MTUS2: variants seen among roughly 807,000 people sequenced by gnomAD.
MTUS2 encodes microtubule associated scaffold protein 2, also known as microtubule-associated tumor suppressor candidate 2.
A neutral mutation model predicts 114.1 loss-of-function variants in MTUS2; 40 were observed. That is an observed-to-expected ratio of 0.35 (90% CI 0.27 to 0.46). The LOEUF is 0.46. MTUS2 is among the 20% of genes least tolerant of loss of function. The probability of loss-of-function intolerance (pLI) is 1.00; values close to 1 mark genes in which losing one functional copy is unlikely to be tolerated. For synonymous variants in MTUS2, 688 were observed against 672.0 expected (o/e 1.02, Z -0.37); for missense variants, 1,679 against 1,705.4 (o/e 0.98, Z 0.27).
At chr13:29,448,570 C>G (rs1177474032) in intron 9 of MTUS2, among the ~76,000 whole-genome samples, 2 of 151,720 alleles carry the variant, frequency 1.3e-5, no homozygotes, top group African/African-American at 4.8e-5. Context: ...GACAAAGCTG[C>G]CTCCTGTGCC....
chr13:29,336,538 C>T (rs545609503), intron 7 of MTUS2, among the ~76,000 whole-genome samples: 29 of 152,214 alleles, frequency 1.9e-4, no homozygotes, highest in Admixed American at 1.5e-3. Context: ...GGGCACCCGC[C>T]GGACGCCAGC....
chr13:28,965,432 T>C (rs180866648), intron 2 of MTUS2, among the ~76,000 whole-genome samples: 17 of 152,314 alleles, frequency 1.1e-4, no homozygotes, highest in African/African-American at 4.1e-4. Context: ...CTTTAATAGG[T>C]TGTAACACTG....
intron 2 of MTUS2, among the ~76,000 whole-genome samples, chr13:29,013,266 A>G (rs1885929145): frequency 6.6e-6 from 1 of 152,030 alleles, no homozygotes; most frequent in Non-Finnish European, 1.5e-5. Context: ...TGTAGATGGC[A>G]TGTTAATCTT....
At chr13:29,218,690 C>T (rs777863042) in intron 5 of MTUS2, among the ~76,000 whole-genome samples, 8 of 152,156 alleles carry the variant, frequency 5.3e-5, no homozygotes, top group South Asian at 2.1e-4. Flanking sequence ...TCCATCAGAG[C>T]GCTTGAGTGA....
At chr13:28,934,853 T>C (rs901435212) in intron 2 of MTUS2, among the ~76,000 whole-genome samples, 1 of 152,106 alleles carries the variant, frequency 6.6e-6, no homozygotes, top group African/African-American at 2.4e-5. Flanking sequence ...ATACATATCT[T>C]ACATGTATAA....
At chr13:28,899,539 A>T (rs1879505962) in intron 2 of MTUS2, among the ~76,000 whole-genome samples, 1 of 152,014 alleles carries the variant, frequency 6.6e-6, no homozygotes, top group Non-Finnish European at 1.5e-5. Context: ...CCTCCTGAGT[A>T]GCTGGGACTA....
chr13:29,503,174 T>C lies in MTUS2; in HGVS notation c.4078T>C (p.Ser1360Pro), dbSNP rs1399313008. 1.2e-6 allele frequency: 2 copies of C among 1,614,062 alleles called. No individual in the cohort carries two copies. Among genetic ancestry groups the C allele is most frequent in the Non-Finnish European group, 8.5e-7 (1 of 1,180,038 alleles). Reference protein sequence around the residue: ...VYRGSSSGPSSPARVSTTPR With the variant: ...VYRGSSSGPSPPARVSTTPR Reference sequence around the variant, plus strand: ...CCGCGGCTCCTCCTCGGGGCCCTCCTCTCCGGCCAGAGTCAGCACAACACC... The same window carrying C: ...CCGCGGCTCCTCCTCGGGGCCCTCCCCTCCGGCCAGAGTCAGCACAACACC... Residue 1360 changes from serine to proline, a missense_variant, in exon 16 of 16, where the codon TCT becomes CCT. This residue lies in a region of MTUS2 where 822 missense variants were observed against 899.7 expected (regional missense o/e 0.91). Transcript: ENST00000612955.
intron 8 of MTUS2, 102 bp downstream of exon 8, chr13:29,359,575 T>C (rs4769728): frequency 0.89 from 1,192,206 of 1,346,038 alleles, 531,859 homozygotes; most frequent in East Asian, 0.91. Flanking sequence ...GTTTGAGTTT[T>C]GATCAGAGTG....
chr13:28,960,823 A>G (rs1412158091), intron 2 of MTUS2, among the ~76,000 whole-genome samples: 1 of 152,198 alleles, frequency 6.6e-6, no homozygotes, highest in Non-Finnish European at 1.5e-5. Context: ...CCGCTGAATC[A>G]TATACTTCAA....
At chr13:29,092,345 A>G (rs1054068690) in intron 4 of MTUS2, among the ~76,000 whole-genome samples, 2 of 151,870 alleles carry the variant, frequency 1.3e-5, no homozygotes, top group Non-Finnish European at 2.9e-5. Context: ...TTTTTTGCAT[A>G]CTAACAAACC....
At chr13:29,108,632 G>T (rs1890763448) in intron 5 of MTUS2, among the ~76,000 whole-genome samples, 2 of 152,154 alleles carry the variant, frequency 1.3e-5, no homozygotes. Flanking sequence ...GCAGGGAATG[G>T]GGAGACAGGA....
intron 5 of MTUS2, among the ~76,000 whole-genome samples, chr13:29,204,134 A>G (rs539397720): frequency 1.8e-3 from 279 of 151,844 alleles, no homozygotes; most frequent in Non-Finnish European, 3.6e-3. Context: ...TACTTTTTGT[A>G]TTTTTAGTAG....
intron 5 of MTUS2, among the ~76,000 whole-genome samples, chr13:29,118,922 C>T (rs1315525123): frequency 6.6e-6 from 1 of 152,084 alleles, no homozygotes; most frequent in Non-Finnish European, 1.5e-5. Flanking sequence ...TTGTCTGGTC[C>T]TGTGACTCCA....
Position 29,067,627 on chromosome 13 carries a change from G to A in MTUS2, c.2447-33146G>A, listed in dbSNP as rs376840019. 1.9e-4 allele frequency among the ~76,000 whole-genome samples: 29 copies of A among 152,318 alleles called. 1 individual carries two copies. The highest frequency in any genetic ancestry group is 1.2e-3 in the East Asian group (6 of 5,182). ...AGACGGCTGTTTCTAAAAATGTGCT[G>A]ATGGATAAAAGAGCCACGGGTGCTG... On this transcript the variant is annotated intron_variant, in intron 4 of 15. Coordinates refer to ENST00000612955, the MANE Select transcript of MTUS2 (RefSeq NM_001033602.4).
At chr13:29,227,050 G>T (rs1316903371) in intron 5 of MTUS2, among the ~76,000 whole-genome samples, 1 of 152,124 alleles carries the variant, frequency 6.6e-6, no homozygotes, top group African/African-American at 2.4e-5. Flanking sequence ...TTGAGATCAG[G>T]AGTCTGAGAC....
At chr13:29,053,683 A>G (rs1240956961) in intron 4 of MTUS2, among the ~76,000 whole-genome samples, 1 of 152,144 alleles carries the variant, frequency 6.6e-6, no homozygotes, top group Non-Finnish European at 1.5e-5. Context: ...CTGTTTTTGT[A>G]TCTGGTGTCT....
intron 8 of MTUS2, among the ~76,000 whole-genome samples, chr13:29,384,396 A>G (rs1004187991): frequency 6.6e-6 from 1 of 152,226 alleles, no homozygotes; most frequent in Admixed American, 6.5e-5. Context: ...CATTCTGTTC[A>G]GAAGAAAATA....
intron 2 of MTUS2, among the ~76,000 whole-genome samples, chr13:28,864,272 T>C (rs779134445): frequency 2.5e-4 from 38 of 152,210 alleles, no homozygotes; most frequent in Non-Finnish European, 4.6e-4. Context: ...AACTACATGC[T>C]CATCATAGCA....
At chr13:28,854,958 C>G (rs1876527283) in intron 2 of MTUS2, among the ~76,000 whole-genome samples, 1 of 152,142 alleles carries the variant, frequency 6.6e-6, no homozygotes, top group Admixed American at 6.5e-5. Context: ...CTCCTTTTGT[C>G]CCTTTAGCTC....
Sources: allele counts gnomAD v4.1 joint callset (sites outside exome capture counted in the v4.1 genomes callset), GRCh38; gene constraint gnomAD v4.1.1; regional missense constraint gnomAD v4.1.1; transcripts MANE v1.5; gene names NCBI Gene and HGNC (gene_info 2026-07-23, HGNC 2026-07-21).